The following MAP3K2 variants were observed in gnomAD, a reference collection of about 807,000 sequenced individuals.
MAP3K2 encodes MAP/ERK kinase kinase 2.
MAP3K2 carries 24 observed loss-of-function variants against 80.3 expected under a neutral mutation model. That is an observed-to-expected ratio of 0.30 (90% confidence interval 0.22 to 0.42). The LOEUF (loss-of-function observed/expected upper bound fraction) is 0.42. Ranked by LOEUF, MAP3K2 falls within the 10% of genes least tolerant of loss-of-function variation. MAP3K2 has a pLI of 1.00. For missense variants in MAP3K2, 608 were observed against 750.1 expected (o/e 0.81, Z 2.21); for synonymous variants, 244 against 253.7 (o/e 0.96, Z 0.36).
chr2:127,330,476 G>C lies in MAP3K2; in HGVS notation c.294C>G (p.Asp98Glu). 1 of 1,604,928 alleles carries C rather than the reference G, an allele frequency of 6.2e-7. No homozygotes were observed. Among genetic ancestry groups the C allele is most frequent in the Non-Finnish European group, 8.5e-7 (1 of 1,174,240 alleles). ...ELVIPLTTQD[D>E]LDKAVELLDR... ...CCAGCAGTTCCACAGCTTTGTCCAAGTCATCTTGAGTAGTTAATGGAATTA... is the reference window on the plus strand; with the variant it reads ...CCAGCAGTTCCACAGCTTTGTCCAACTCATCTTGAGTAGTTAATGGAATTA... Residue 98 changes from aspartate (D) to glutamate (E), a missense_variant, in exon 6 of 17, where the codon GAC (aspartate) becomes GAG (glutamate). Coordinates refer to ENST00000682094, the MANE Select transcript of MAP3K2 (RefSeq NM_001371910.2).
intron 1 of MAP3K2, among the ~76,000 whole-genome samples, chr2:127,349,789 G>A (rs1165974879): frequency 6.6e-6 from 1 of 152,110 alleles, no homozygotes; most frequent in Non-Finnish European, 1.5e-5. Context: ...TATGCACATA[G>A]AGAAAGTCAC....
chr2:127,380,323 A>T (rs1207101392), intron 1 of MAP3K2, among the ~76,000 whole-genome samples: 1 of 152,244 alleles, frequency 6.6e-6, no homozygotes, highest in Admixed American at 6.5e-5. Flanking sequence ...GTGACAATAA[A>T]GGGACCTAAT....
At position 127,303,685 on chromosome 2, in the gene MAP3K2, GACATAAT is replaced by G. The variant is rs1685640404; in HGVS notation, c.*3887_*3893del. 6.6e-6 allele frequency: 1 copy of G among 151,652 alleles called. No individual in the cohort carries two copies. Among genetic ancestry groups the G allele is most frequent in the Admixed American group, 6.6e-5 (1 of 15,198 alleles). 9.4% of individuals were successfully genotyped at this position (151,652 alleles called of 1,614,324 possible). A position where few individuals can be genotyped will look rare whatever the true frequency, so the allele number is the denominator to read the frequency against. On this transcript the variant is annotated 3_prime_UTR_variant, in exon 17 of 17. Transcript: ENST00000682094. The stretch of plus-strand genomic sequence containing the variant: ...CCTTAAGGATGTTAATTTAGTACCT[GACATAAT>G]AAGTTACAATTATTGAACAAACAAA...
chr2:127,350,317 G>GA (rs1247093754), intron 1 of MAP3K2, among the ~76,000 whole-genome samples: 2 of 149,820 alleles, frequency 1.3e-5, no homozygotes, highest in African/African-American at 4.9e-5. Flanking sequence ...TAGAAAAAAT[G>GA]AAACAATGAA....
intron 14 of MAP3K2, among the ~76,000 whole-genome samples, chr2:127,316,040 A>G (rs1426173593): frequency 6.6e-6 from 1 of 151,152 alleles, no homozygotes; most frequent in East Asian, 2.0e-4. Context: ...GCACCACTGC[A>G]CTCCAGTCTA....
At chr2:127,381,001 G>GA (rs146757305) in intron 1 of MAP3K2, among the ~76,000 whole-genome samples, 5,150 of 152,244 alleles carry the variant, frequency 0.034, 126 homozygotes, top group Middle Eastern at 0.071. Flanking sequence ...TATGAAATAA[G>GA]AACATGCAGT....
rs1460939291 is a variant in MAP3K2 at position 127,300,074 on chromosome 2, T to G, written c.*7505A>C. ...TATTAATGTCGAACTCCTGAGTTCT[T>G]CAACAAAGAACCATAGATAAGTATA... On this transcript the variant is annotated 3_prime_UTR_variant, in exon 17 of 17. Coordinates refer to ENST00000682094, the MANE Select transcript of MAP3K2 (RefSeq NM_001371910.2). 6.6e-6 allele frequency: 1 copy of G among 152,112 alleles called. No homozygotes were observed. Among genetic ancestry groups the G allele is most frequent in the Non-Finnish European group, 1.5e-5 (1 of 67,984 alleles). 9.4% of individuals were successfully genotyped at this position (152,112 alleles called of 1,614,324 possible). A position where few individuals can be genotyped will look rare whatever the true frequency, so the allele number is the denominator to read the frequency against.
chr2:127,385,289 A>G lies in MAP3K2; in HGVS notation c.-66+2163T>C, dbSNP rs140701082. ...CCACCCCTTATCAACCATCCTTACT[A>G]GTCAGCAGCCATCAACATGGAGGCA... On this transcript the variant is annotated intron_variant, in intron 1 of 16. Coordinates refer to ENST00000682094, the MANE Select transcript of MAP3K2 (RefSeq NM_001371910.2). Among the ~76,000 whole-genome samples the G allele has an allele frequency of 6.1e-3, 928 of 152,326 alleles. 11 individuals are homozygous for G. Among genetic ancestry groups the G allele is most frequent in the Middle Eastern group, 0.02 (6 of 294 alleles).
intron 1 of MAP3K2, among the ~76,000 whole-genome samples, chr2:127,379,379 AC>A (rs1371532521): frequency 6.6e-6 from 1 of 151,904 alleles, no homozygotes; most frequent in African/African-American, 2.4e-5. Flanking sequence ...TCATTTAAAA[AC>A]CCCATGAATT....
In MAP3K2 at chr2:127,337,861, ATT is replaced by A. The variant is rs1686403209; in HGVS notation, c.124-85_124-84del. ...ATAAAATTTCTACAATTTCTAAATGATTTTGTTTTTTAGCCATTCATTTAAAA... is the reference window on the plus strand; with the variant it reads ...ATAAAATTTCTACAATTTCTAAATGATTGTTTTTTAGCCATTCATTTAAAA... On this transcript the variant is annotated intron_variant, in intron 3 of 16. Transcript: ENST00000682094. The A allele has an allele frequency of 6.9e-6, 6 of 873,146 alleles. No individual in the cohort carries two copies. In the East Asian group the frequency reaches 1.8e-4, roughly 26 times the overall value. 54.1% of individuals were successfully genotyped at this position (873,146 alleles called of 1,614,324 possible). A position where few individuals can be genotyped will look rare whatever the true frequency, so the allele number is the denominator to read the frequency against.
At chr2:127,320,425 G>T (rs779386576) in intron 12 of MAP3K2, among the ~76,000 whole-genome samples, 1 of 152,112 alleles carries the variant, frequency 6.6e-6, no homozygotes, top group Admixed American at 6.6e-5. Context: ...GATCAATGGT[G>T]GGGGAGAGAG....
intron 1 of MAP3K2, among the ~76,000 whole-genome samples, chr2:127,366,733 A>T (rs1558988910): frequency 6.6e-6 from 1 of 152,072 alleles, no homozygotes; most frequent in Non-Finnish European, 1.5e-5. Flanking sequence ...TTTGGCTAAC[A>T]TATTTCCAAA....
At chr2:127,346,246 T>C (rs901617216) in intron 1 of MAP3K2, among the ~76,000 whole-genome samples, 5 of 151,280 alleles carry the variant, frequency 3.3e-5, no homozygotes, top group African/African-American at 9.7e-5. Context: ...GACAAATTCC[T>C]AAAAAGAAAC....
intron 1 of MAP3K2, among the ~76,000 whole-genome samples, chr2:127,366,129 C>T (rs1477759406): frequency 1.3e-5 from 2 of 152,164 alleles, no homozygotes; most frequent in Non-Finnish European, 2.9e-5. Context: ...CCAAAAAAGT[C>T]GTATCTCACT....
intron 15 of MAP3K2, among the ~76,000 whole-genome samples, chr2:127,313,455 T>G (rs987183867): frequency 1.3e-5 from 2 of 152,196 alleles, no homozygotes; most frequent in Non-Finnish European, 2.9e-5. Flanking sequence ...GGCTTAGGCA[T>G]TCTGCATTCT....
At chr2:127,315,876 G>A (rs1285912481) in intron 14 of MAP3K2, among the ~76,000 whole-genome samples, 1 of 152,142 alleles carries the variant, frequency 6.6e-6, no homozygotes, top group African/African-American at 2.4e-5. Flanking sequence ...CCTGAGGTCA[G>A]GAGTTCGAGA....
At position 127,323,917 on chromosome 2, in the gene MAP3K2, G is replaced by C; in HGVS notation, c.823C>G (p.Gln275Glu). ...PRRYHVSYHH[Q>E]EYNDGRKTFP... ...AGAAACTTACCATCATTATACTCTT[G>C]ATGATGATATGAAACATGATACCTT... is the stretch of plus-strand genomic sequence containing the variant. Residue 275 changes from glutamine to glutamate, a missense_variant, in exon 11 of 17, where the codon CAA becomes GAA. By Grantham distance (29) the Gln-to-Glu change is conservative (BLOSUM62 2). Coordinates refer to ENST00000682094, the MANE Select transcript of MAP3K2 (RefSeq NM_001371910.2). The C allele has an allele frequency of 6.6e-7, 1 of 1,511,916 alleles. No homozygotes were observed. Among genetic ancestry groups the C allele is most frequent in the Non-Finnish European group, 9.0e-7 (1 of 1,107,668 alleles). The allele number at this position is 1,511,916 out of a possible 1,614,324, so 93.7% of individuals were successfully genotyped here. A position where few individuals can be genotyped will look rare whatever the true frequency, so the allele number is the denominator to read the frequency against.
At chr2:127,357,188 G>A (rs1410026631) in intron 1 of MAP3K2, among the ~76,000 whole-genome samples, 6 of 152,138 alleles carry the variant, frequency 3.9e-5, no homozygotes, top group Non-Finnish European at 5.9e-5. Flanking sequence ...TGCCATGTTC[G>A]GACCAGAAGA....
chr2:127,311,814 T>C (rs1388457955), intron 15 of MAP3K2, among the ~76,000 whole-genome samples: 1 of 152,182 alleles, frequency 6.6e-6, no homozygotes, highest in Non-Finnish European at 1.5e-5. Context: ...AAAACTAGAA[T>C]CCAAATGAAG....
Sources: allele counts gnomAD v4.1 joint callset (sites outside exome capture counted in the v4.1 genomes callset), GRCh38; gene constraint gnomAD v4.1.1; transcripts MANE v1.5; gene names NCBI Gene and HGNC (gene_info 2026-07-23, HGNC 2026-07-21).